PPIG: variants seen among roughly 807,000 people sequenced by gnomAD.
PPIG encodes the protein peptidylprolyl isomerase G, also known as peptidyl-prolyl cis-trans isomerase G.
In PPIG, 26 loss-of-function variants were observed where a neutral mutation model predicts 87.9. That is an observed-to-expected ratio of 0.30 (90% CI 0.22 to 0.41). The LOEUF (loss-of-function observed/expected upper bound fraction) is 0.41, where lower values mean the gene tolerates loss of function less well. Ranked by LOEUF, PPIG falls within the 10% of genes least tolerant of loss-of-function variation. PPIG has a pLI of 1.00. For missense variants in PPIG, 722 were observed against 879.4 expected (o/e 0.82, Z 2.26); for synonymous variants, 308 against 276.5 (o/e 1.11, Z -1.13).
chr2:169,620,872 A>AAAG (rs1685730353), intron 9 of PPIG, among the ~76,000 whole-genome samples: 1 of 152,172 alleles, frequency 6.6e-6, no homozygotes, highest in African/African-American at 2.4e-5. Context: ...AAGTAGTAAA[A>AAAG]CCTTAAACTG....
Position 169,640,139 on chromosome 2 carries a change from A to G in PPIG, c.*2616A>G, listed in dbSNP as rs1346165642. 6.6e-6 allele frequency: 1 copy of G among 152,148 alleles called. No homozygotes were observed. The highest frequency in any genetic ancestry group is 1.5e-5 in the Non-Finnish European group (1 of 68,002). 9.4% of individuals were successfully genotyped at this position (152,148 alleles called of 1,614,324 possible). A position where few individuals can be genotyped will look rare whatever the true frequency, so the allele number is the denominator to read the frequency against. ...AGAGAAGCTACTGGATTGCTTTAAA[A>G]CATTCTTTGATTAAATTACTACATA... On this transcript the variant is annotated 3_prime_UTR_variant, in exon 14 of 14. Coordinates refer to ENST00000260970, the MANE Select transcript of PPIG (RefSeq NM_004792.3).
intron 9 of PPIG, among the ~76,000 whole-genome samples, chr2:169,630,445 T>C (rs1241690870): frequency 2.0e-5 from 3 of 152,216 alleles, no homozygotes; most frequent in Admixed American, 2.0e-4. Flanking sequence ...AGTGGAAAAC[T>C]ACAAGATTAG....
chr2:169,625,467 G>T (rs1685859347), intron 9 of PPIG, among the ~76,000 whole-genome samples: 1 of 152,200 alleles, frequency 6.6e-6, no homozygotes, highest in Non-Finnish European at 1.5e-5. Context: ...CCTACACCCT[G>T]TATAAAACTA....
At chr2:169,626,433 T>G (rs1685889900) in intron 9 of PPIG, among the ~76,000 whole-genome samples, 1 of 152,130 alleles carries the variant, frequency 6.6e-6, no homozygotes, top group South Asian at 2.1e-4. Flanking sequence ...TCAATCTGTC[T>G]CCCAGGCTGG....
intron 1 of PPIG, among the ~76,000 whole-genome samples, chr2:169,601,489 G>A (rs942776194): frequency 3.3e-5 from 5 of 152,204 alleles, no homozygotes; most frequent in African/African-American, 1.2e-4. Flanking sequence ...GATGTAAAGT[G>A]TTAGGAGGAT....
intron 7 of PPIG, among the ~76,000 whole-genome samples, chr2:169,611,537 TAAG>T (rs1348488657): frequency 6.6e-6 from 1 of 152,218 alleles, no homozygotes; most frequent in Non-Finnish European, 1.5e-5. Context: ...TTTTAATATT[TAAG>T]AAGTTTACTT....
chr2:169,616,354 T>C (rs1685608768), intron 9 of PPIG, among the ~76,000 whole-genome samples: 1 of 152,228 alleles, frequency 6.6e-6, no homozygotes, highest in African/African-American at 2.4e-5. Flanking sequence ...ATCTTTTGGG[T>C]ATATACCTAG....
chr2:169,632,033 C>A, intron 11 of PPIG, 100 bp downstream of exon 11: 1 of 1,292,372 alleles, frequency 7.7e-7, no homozygotes, highest in Non-Finnish European at 1.0e-6. Context: ...TGACCTTGTC[C>A]CAAGATTGAA....
chr2:169,635,311 A>G (rs1308037924), intron 12 of PPIG, among the ~76,000 whole-genome samples: 6 of 152,234 alleles, frequency 3.9e-5, no homozygotes, highest in East Asian at 3.9e-4. Context: ...TACCTCATCA[A>G]TGTTATGTAG....
chr2:169,598,004 C>CT (rs72191282), intron 1 of PPIG, among the ~76,000 whole-genome samples: 55,804 of 139,606 alleles, frequency 0.4, 11,869 homozygotes, highest in East Asian at 0.59. Context: ...CCTGGGCAAC[C>CT]TTTTTTTTTT....
chr2:169,589,425 A>C (rs1011987467), intron 1 of PPIG, among the ~76,000 whole-genome samples: 1 of 152,202 alleles, frequency 6.6e-6, no homozygotes, highest in East Asian at 1.9e-4. Flanking sequence ...CATTTGATCT[A>C]TATGAACTAC....
intron 9 of PPIG, among the ~76,000 whole-genome samples, chr2:169,626,990 G>A (rs907473922): frequency 4.0e-5 from 6 of 151,810 alleles, no homozygotes; most frequent in Non-Finnish European, 5.9e-5. Context: ...GATTACAGGT[G>A]TGAGCCACCA....
At chr2:169,613,106 C>A (rs1685533944) in intron 7 of PPIG, among the ~76,000 whole-genome samples, 1 of 152,114 alleles carries the variant, frequency 6.6e-6, no homozygotes, top group Non-Finnish European at 1.5e-5. Flanking sequence ...GGCAGACTTG[C>A]AAATAAAGTT....
At chr2:169,605,323 A>T (rs551472579) in intron 4 of PPIG, among the ~76,000 whole-genome samples, 1 of 151,964 alleles carries the variant, frequency 6.6e-6, no homozygotes, top group African/African-American at 2.4e-5. Flanking sequence ...CAAGAGTGAA[A>T]CTCTGTCTCA....
intron 9 of PPIG, among the ~76,000 whole-genome samples, chr2:169,624,609 A>T (rs1027025059): frequency 2.6e-5 from 4 of 152,064 alleles, no homozygotes; most frequent in African/African-American, 7.2e-5. Context: ...TGTTTTTGAG[A>T]TGGAGTCTCG....
Position 169,604,370 on chromosome 2 carries a change from C to A in PPIG, c.136+109C>A, listed in dbSNP as rs185517601. 331 of 842,480 alleles carry A rather than the reference C, an allele frequency of 3.9e-4. No individual in the cohort carries two copies. The African/African-American group carries it at 6.1e-3, about 16-fold the overall frequency. 52.2% of individuals were successfully genotyped at this position (842,480 alleles called of 1,614,324 possible). A position where few individuals can be genotyped will look rare whatever the true frequency, so the allele number is the denominator to read the frequency against. On this transcript the variant is annotated intron_variant, in intron 4 of 13. Transcript: ENST00000260970. The stretch of plus-strand genomic sequence containing the variant: ...TTTTTTTTTTTGAGACAGGATCTTG[C>A]AACGTTGTCCAACTGGACTAGAACT...
Position 169,637,113 on chromosome 2 carries a change from A to C in PPIG, c.1855A>C (p.Lys619Gln), listed in dbSNP as rs1686201371. 1 of 1,612,666 alleles carries C rather than the reference A, an allele frequency of 6.2e-7. No homozygotes were observed. Among genetic ancestry groups the C allele is most frequent in the Non-Finnish European group, 8.5e-7 (1 of 1,179,464 alleles). Residue 619 changes from lysine to glutamine, a missense_variant, in exon 14 of 14, where the codon AAA becomes CAA. By Grantham distance (53) the Lys-to-Gln change is moderately conservative (BLOSUM62 1). Around this residue, in one of 4 missense-constraint regions of PPIG, gnomAD observed 476 missense variants for 483.1 expected, o/e 0.99. Coordinates refer to ENST00000260970, the MANE Select transcript of PPIG (RefSeq NM_004792.3). ...RRTPPGRSRS[K>Q]DRRRRRRDSR... ...AACACCACCAGGAAGATCAAGAAGT[A>C]AAGATAGGAGGAGAAGGAGGAGAGA...
At chr2:169,611,388 T>G (rs553727690) in intron 7 of PPIG, among the ~76,000 whole-genome samples, 22 of 152,314 alleles carry the variant, frequency 1.4e-4, no homozygotes, top group Non-Finnish European at 2.9e-4. Flanking sequence ...CATCACTAAA[T>G]ATTAGCTTTT....
intron 4 of PPIG, among the ~76,000 whole-genome samples, chr2:169,604,911 G>A (rs940705267): frequency 2.6e-5 from 4 of 151,018 alleles, no homozygotes; most frequent in Non-Finnish European, 4.4e-5. Context: ...GGCTGGGCAC[G>A]GTGTGGCTGG....
Sources: allele counts gnomAD v4.1 joint callset (sites outside exome capture counted in the v4.1 genomes callset), GRCh38; gene constraint gnomAD v4.1.1; regional missense constraint gnomAD v4.1.1; transcripts MANE v1.5; gene names NCBI Gene and HGNC (gene_info 2026-07-23, HGNC 2026-07-21).